The following FBXL7 variants were observed in gnomAD, a reference collection of about 807,000 sequenced individuals.
FBXL7 encodes F-box and leucine rich repeat protein 7, also known as F-box/LRR-repeat protein 7.
Under a neutral mutation model 38.3 loss-of-function variants are expected in FBXL7, and 12 were observed. The ratio of observed to expected loss-of-function variants is 0.31; its 90% CI spans 0.20 to 0.51. The LOEUF is 0.51. Ranked by LOEUF, FBXL7 falls within the 20% of genes least tolerant of loss-of-function variation. The pLI, the probability that FBXL7 is intolerant of heterozygous loss-of-function variation, is 0.98. For synonymous variants in FBXL7, 297 were observed against 300.9 expected, an observed-to-expected ratio of 0.99 and a Z score of 0.13; for missense variants, 567 against 676.4, an observed-to-expected ratio of 0.84 and a Z score of 1.79.
chr5:15,571,092 TAAA>T (rs397996852), intron 1 of FBXL7, among the ~76,000 whole-genome samples: 3 of 129,288 alleles, frequency 2.3e-5, no homozygotes, highest in Non-Finnish European at 1.6e-5. Context: ...ATTCTGTCTT[TAAA>T]AAAAAAAAAA....
At chr5:15,511,007 C>A (rs937372309) in intron 1 of FBXL7, among the ~76,000 whole-genome samples, 3 of 152,192 alleles carry the variant, frequency 2.0e-5, no homozygotes, top group African/African-American at 7.2e-5. Context: ...GACCATGCCC[C>A]TCCTCACCCT....
intron 2 of FBXL7, among the ~76,000 whole-genome samples, chr5:15,684,007 T>G (rs553607637): frequency 2.4e-4 from 37 of 152,290 alleles, no homozygotes. Flanking sequence ...ATTAAATTAT[T>G]TTAATAATTT....
chr5:15,564,303 C>T (rs926805078), intron 1 of FBXL7, among the ~76,000 whole-genome samples: 1 of 151,718 alleles, frequency 6.6e-6, no homozygotes, highest in African/African-American at 2.4e-5. Flanking sequence ...GTCATTCTTA[C>T]ATTTTGTTTC....
chr5:15,622,520 G>A (rs965946965), intron 2 of FBXL7, among the ~76,000 whole-genome samples: 1 of 152,080 alleles, frequency 6.6e-6, no homozygotes, highest in Non-Finnish European at 1.5e-5. Flanking sequence ...CCACCTATGA[G>A]TGAGAACATG....
At chr5:15,876,412 A>T (rs966670055) in intron 2 of FBXL7, among the ~76,000 whole-genome samples, 1 of 152,092 alleles carries the variant, frequency 6.6e-6, no homozygotes, top group African/African-American at 2.4e-5. Flanking sequence ...TAAAAAAAAA[A>T]GGTGTTCCCA....
chr5:15,936,613 C>T lies in FBXL7; in HGVS notation c.903C>T (p.Thr301=). 1.2e-6 allele frequency: 2 copies of T among 1,610,464 alleles called. No individual in the cohort carries two copies. Among genetic ancestry groups the T allele is most frequent in the Non-Finnish European group, 1.7e-6 (2 of 1,179,858 alleles). The change falls in exon 4 of 4, where the codon ACC becomes ACT. Residue 301 remains threonine (T), a synonymous_variant. Transcript: ENST00000504595. This position sits in a 1 kb window ranked among gnomAD's most constrained non-coding sequence, Gnocchi z 6.0. ...TCGCGGCGCACTGCACGCAGCTCAC[C>T]CACCTCTACCTGCGCCGCTGCGTCC... ...HTIAAHCTQL[T]HLYLRRCVRL... is the part of the protein sequence containing the mutation.
At chr5:15,921,322 A>G (rs1355796306) in intron 2 of FBXL7, among the ~76,000 whole-genome samples, 3 of 150,294 alleles carry the variant, frequency 2.0e-5, no homozygotes, top group Non-Finnish European at 4.4e-5. Context: ...TGGAGGTTGC[A>G]GTGAGCTGAG....
intron 2 of FBXL7, among the ~76,000 whole-genome samples, chr5:15,800,080 T>C (rs1389016529): frequency 2.0e-5 from 3 of 152,188 alleles, no homozygotes; most frequent in South Asian, 2.1e-4. Context: ...CAATATCTTA[T>C]CCATTTTTGT....
intron 1 of FBXL7, among the ~76,000 whole-genome samples, chr5:15,594,471 T>C (rs990029632): frequency 3.9e-5 from 6 of 152,202 alleles, no homozygotes; most frequent in African/African-American, 1.4e-4. Context: ...GAGTACCCAT[T>C]GGCCTCTCAC....
At chr5:15,553,092 A>AC (rs1738131949) in intron 1 of FBXL7, among the ~76,000 whole-genome samples, 1 of 110,710 alleles carries the variant, frequency 9.0e-6, no homozygotes, top group Non-Finnish European at 2.2e-5. Flanking sequence ...AAAAAAAAAA[A>AC]CAAAAAAAAA....
At chr5:15,672,015 A>C (rs954713079) in intron 2 of FBXL7, among the ~76,000 whole-genome samples, 1 of 152,210 alleles carries the variant, frequency 6.6e-6, no homozygotes, top group African/African-American at 2.4e-5. Flanking sequence ...GGAGCTTCTA[A>C]TGCTAATAAT....
intron 2 of FBXL7, among the ~76,000 whole-genome samples, chr5:15,901,099 A>G (rs1741223135): frequency 6.6e-6 from 1 of 152,242 alleles, no homozygotes; most frequent in Admixed American, 6.5e-5. Flanking sequence ...TCTAAAAGCT[A>G]TTAATGTATA....
At chr5:15,720,914 A>AT (rs1199481470) in intron 2 of FBXL7, among the ~76,000 whole-genome samples, 1 of 152,106 alleles carries the variant, frequency 6.6e-6, no homozygotes, top group East Asian at 1.9e-4. Context: ...TAAGATAGAA[A>AT]TATGTTTGAA....
intron 1 of FBXL7, among the ~76,000 whole-genome samples, chr5:15,543,620 A>G (rs576941150): frequency 1.3e-5 from 2 of 152,304 alleles, no homozygotes; most frequent in East Asian, 1.9e-4. Flanking sequence ...ATGATACTGG[A>G]AACATGCAGG....
intron 2 of FBXL7, among the ~76,000 whole-genome samples, chr5:15,874,475 T>G (rs1455458528): frequency 6.6e-6 from 1 of 152,148 alleles, no homozygotes; most frequent in Non-Finnish European, 1.5e-5. Flanking sequence ...TGAAGTCAAT[T>G]TATCTCTGTT....
intron 2 of FBXL7, among the ~76,000 whole-genome samples, chr5:15,767,033 C>T (rs778890739): frequency 2.6e-5 from 4 of 151,924 alleles, no homozygotes; most frequent in African/African-American, 4.8e-5. Flanking sequence ...CCGGGGTACC[C>T]GTGCAGGATG....
At chr5:15,771,830 C>G (rs185656948) in intron 2 of FBXL7, among the ~76,000 whole-genome samples, 1 of 142,216 alleles carries the variant, frequency 7.0e-6, no homozygotes. Context: ...GGCTGGAGTG[C>G]GATCTTGGCT....
chr5:15,658,119 G>A lies in FBXL7; in HGVS notation c.127+42047G>A, dbSNP rs142352370. ...CATACAGCTGTGGGAATCAGCAATG[G>A]AATGACACTGGGGGTTTGGAAGGAG... On this transcript the variant is annotated intron_variant, in intron 2 of 3. Transcript: ENST00000504595. 1.6e-3 allele frequency among the ~76,000 whole-genome samples: 240 copies of A among 152,250 alleles called. 1 individual carries two copies. Among genetic ancestry groups the A allele is most frequent in the Non-Finnish European group, 2.7e-3 (183 of 68,016 alleles).
chr5:15,689,024 C>T (rs1029664569), intron 2 of FBXL7, among the ~76,000 whole-genome samples: 29 of 152,312 alleles, frequency 1.9e-4, no homozygotes, highest in African/African-American at 6.5e-4. Flanking sequence ...GCCTCGTCCT[C>T]CATCTCCCCA....
Sources: gnomAD v4.1 joint callset for allele counts (sites outside exome capture counted in the v4.1 genomes callset) on GRCh38, gnomAD v4.1.1 for gene constraint, Gnocchi (gnomAD v3.1) non-coding constraint, MANE v1.5 for transcripts, NCBI Gene and HGNC (gene_info 2026-07-23, HGNC 2026-07-21) for gene names.